PCDHA7: variants seen among roughly 807,000 people sequenced by gnomAD.
PCDHA7 encodes protocadherin alpha 7.
Under a neutral mutation model 57.2 loss-of-function variants are expected in PCDHA7, and 37 were observed. The observed-to-expected ratio is 0.65, with a 90% CI of 0.50 to 0.85. PCDHA7 has a LOEUF of 0.85. PCDHA7 is among the 40% of genes least tolerant of loss of function. The pLI, the probability that PCDHA7 is intolerant of heterozygous loss-of-function variation, is 0.00. For missense variants in PCDHA7, 1,188 were observed against 1,241.8 expected, an observed-to-expected ratio of 0.96 and a Z score of 0.65; for synonymous variants, 553 against 558.8, an observed-to-expected ratio of 0.99 and a Z score of 0.15.
intron 1 of PCDHA7, among the ~76,000 whole-genome samples, chr5:140,913,292 T>G (rs1252467748): frequency 6.6e-6 from 1 of 152,184 alleles, no homozygotes; most frequent in African/African-American, 2.4e-5. Flanking sequence ...AGGTTTTAAT[T>G]TCTTCATAGA....
chr5:140,929,257 C>T, intron 1 of PCDHA7: 2 of 1,612,972 alleles, frequency 1.2e-6, no homozygotes, highest in Non-Finnish European at 1.7e-6. Context: ...TGGGGTAGGA[C>T]TGAATTTGCC....
chr5:140,874,772 T>C (rs2055099588), intron 1 of PCDHA7, among the ~76,000 whole-genome samples: 1 of 152,270 alleles, frequency 6.6e-6, no homozygotes, highest in South Asian at 2.1e-4. Flanking sequence ...TCCATATTTA[T>C]GATGAATTCT....
intron 1 of PCDHA7, among the ~76,000 whole-genome samples, chr5:140,897,000 T>C (rs2065833068): frequency 6.6e-6 from 1 of 152,180 alleles, no homozygotes; most frequent in Non-Finnish European, 1.5e-5. Context: ...CTTTTAGTTA[T>C]TTTTAAATAT....
chr5:140,846,514 A>G (rs1554141354), intron 1 of PCDHA7, among the ~76,000 whole-genome samples: 1 of 147,154 alleles, frequency 6.8e-6, no homozygotes, highest in African/African-American at 2.5e-5. Flanking sequence ...AGCTGGGATT[A>G]CAGGTGCATG....
chr5:140,875,921 C>G, intron 1 of PCDHA7: 1 of 1,614,228 alleles, frequency 6.2e-7, no homozygotes. Flanking sequence ...CCTCTGGACT[C>G]TCATTTTCCT....
chr5:140,951,076 A>G (rs2094545866), intron 1 of PCDHA7, among the ~76,000 whole-genome samples: 1 of 151,566 alleles, frequency 6.6e-6, no homozygotes, highest in Non-Finnish European at 1.5e-5. Flanking sequence ...GCTTTCTTAT[A>G]TTTTCCTTTT....
intron 1 of PCDHA7, among the ~76,000 whole-genome samples, chr5:140,939,650 A>G (rs1203077314): frequency 1.3e-5 from 2 of 152,228 alleles, no homozygotes; most frequent in African/African-American, 2.4e-5. Flanking sequence ...GAAAACTTCA[A>G]TAACAGGAAT....
intron 1 of PCDHA7, among the ~76,000 whole-genome samples, chr5:140,941,192 TTTC>T (rs1447153939): frequency 7.0e-5 from 7 of 99,658 alleles, no homozygotes; most frequent in Admixed American, 1.0e-4. Flanking sequence ...CTTCTTTTTT[TTTC>T]TTTCTTCCTT....
rs376600715 is a variant in PCDHA7, at chr5:140,871,207, G to A, written c.2355+34469G>A. The stretch of plus-strand genomic sequence containing the variant: ...GGATGTCAACGTGTACCTGATCATC[G>A]CCATCTGCGTGGTGTCCAGCCTCCT... On this transcript the variant is annotated intron_variant, in intron 1 of 3. Transcript: ENST00000525929. 2.2e-5 allele frequency: 36 copies of A among 1,613,642 alleles called. No individual in the cohort carries two copies. The African/African-American group carries it at 4.0e-4, about 18-fold the overall frequency.
intron 1 of PCDHA7, chr5:140,884,317 G>A (rs1401667312): frequency 3.1e-6 from 5 of 1,613,662 alleles, no homozygotes; most frequent in African/African-American, 2.7e-5. Flanking sequence ...CGAGGGCGTC[G>A]GCAGGCGCTG....
chr5:140,850,264 T>C (rs2150476504), intron 1 of PCDHA7: 2 of 1,594,136 alleles, frequency 1.3e-6, no homozygotes, highest in Admixed American at 1.7e-5. Flanking sequence ...GCCGGCGTAG[T>C]GGTGGGGAAG....
At chr5:140,874,188 A>G (rs1478438376) in intron 1 of PCDHA7, among the ~76,000 whole-genome samples, 2 of 152,208 alleles carry the variant, frequency 1.3e-5, no homozygotes, top group Non-Finnish European at 2.9e-5. Flanking sequence ...TAAAGGTGTC[A>G]TATTTCAGTT....
At chr5:140,918,846 C>T (rs1261805257) in intron 1 of PCDHA7, among the ~76,000 whole-genome samples, 1 of 152,140 alleles carries the variant, frequency 6.6e-6, no homozygotes, top group African/African-American at 2.4e-5. Flanking sequence ...ACTAAATCTG[C>T]TGGTGCCTGA....
chr5:140,850,192 T>C lies in PCDHA7; in HGVS notation c.2355+13454T>C. 1.3e-6 allele frequency: 2 copies of C among 1,593,512 alleles called. 1 individual carries two copies. The highest frequency in any genetic ancestry group is 1.7e-6 in the Non-Finnish European group (2 of 1,167,634). On this transcript the variant is annotated intron_variant, in intron 1 of 3. Transcript: ENST00000525929. ...GAGAACGACAATGCGCCGGCGCTGC[T>C]GACACCTCGGATGAGGGGCACTGAC...
At chr5:140,924,902 A>AAAAAAT (rs1554202311) in intron 1 of PCDHA7, among the ~76,000 whole-genome samples, 400 of 39,066 alleles carry the variant, frequency 0.01, 1 homozygote, top group Middle Eastern at 0.023. Flanking sequence ...CTCAAAAAAA[A>AAAAAAT]AAATAAAATA....
chr5:140,966,958 G>C (rs561982676), intron 1 of PCDHA7: 1 of 1,602,498 alleles, frequency 6.2e-7, no homozygotes, highest in South Asian at 1.1e-5. Context: ...TGGCTCGCGC[G>C]CTGGGGCTTG....
intron 1 of PCDHA7, chr5:140,882,363 A>G: frequency 1.2e-6 from 2 of 1,614,208 alleles, no homozygotes; most frequent in South Asian, 1.1e-5. Context: ...GGCCAGCTCC[A>G]CTACTCCGTC....
Position 140,835,309 on chromosome 5 carries a change from A to G in PCDHA7, c.926A>G (p.Asp309Gly), listed in dbSNP as rs2150233650. Residue 309 changes from aspartate to glycine, a missense_variant, in exon 1 of 4, where the codon GAT (aspartate) becomes GGT (glycine). This residue lies in a region of PCDHA7 where 102 missense variants were observed against 267.4 expected (regional missense o/e 0.38). Coordinates refer to ENST00000525929, the MANE Select transcript of PCDHA7 (RefSeq NM_018910.3). ...GCAATCACAGTGATAGGACATATGG[A>G]TTTTGAAGAAAGTAGAGCACACAAG... The part of the protein sequence containing the change: ...SGAITVIGHM[D>G]FEESRAHKIP... 9.3e-6 allele frequency: 15 copies of G among 1,612,924 alleles called. No homozygotes were observed. The African/African-American group carries it at 1.9e-4, about 20-fold the overall frequency.
intron 1 of PCDHA7, chr5:140,926,588 C>A: frequency 3.4e-6 from 1 of 293,528 alleles, no homozygotes; most frequent in Admixed American, 5.0e-5. Context: ...CTCTCGCGCC[C>A]GGGCGGGCGG....
Sources: allele counts gnomAD v4.1 joint callset (sites outside exome capture counted in the v4.1 genomes callset), GRCh38; gene constraint gnomAD v4.1.1; regional missense constraint gnomAD v4.1.1; transcripts MANE v1.5; gene names NCBI Gene and HGNC (gene_info 2026-07-23, HGNC 2026-07-21).